EVC: variants seen among roughly 807,000 people sequenced by gnomAD.
EVC encodes the protein evC complex member EVC.
In EVC, 116 loss-of-function variants were observed where a neutral mutation model predicts 118.9. The observed-to-expected ratio is 0.98, with a 90% CI of 0.84 to 1.14. The LOEUF (loss-of-function observed/expected upper bound fraction) is 1.14, where lower values mean the gene tolerates loss of function less well. Ranked by LOEUF, EVC falls within the 50% of genes most tolerant of loss-of-function variation. The pLI is 0.00. For missense variants in EVC, 1,401 were observed against 1,246.4 expected, an observed-to-expected ratio of 1.12 and a Z score of -1.87; for synonymous variants, 619 against 534.7, an observed-to-expected ratio of 1.16 and a Z score of -2.18.
At chr4:5,777,396 G>A (rs185812595) in intron 11 of EVC, among the ~76,000 whole-genome samples, 5 of 152,192 alleles carry the variant, frequency 3.3e-5, no homozygotes, top group African/African-American at 4.8e-5. Flanking sequence ...GCCCCCACCC[G>A]TAATGAACAA....
chr4:5,748,149 T>C lies in EVC; in HGVS notation c.941T>C (p.Met314Thr). The change falls in exon 8 of 21, where the codon ATG becomes ACG. Residue 314 changes from methionine to threonine, a missense_variant and splice_region_variant. Physicochemically the swap from Met to Thr is moderately conservative, Grantham distance 81 (BLOSUM62 -1). Transcript: ENST00000264956. The stretch of plus-strand genomic sequence containing the variant: ...TTGCTGCTTGTGCTCATTTCACAGA[T>C]GGAAGCTTTCTGGAAACAGATGGCA... Reference protein sequence around the residue: ...REYSEQLIDNMEAFWKQMANI... With the variant: ...REYSEQLIDNTEAFWKQMANI... 1.2e-6 allele frequency: 2 copies of C among 1,614,212 alleles called. No individual in the cohort carries two copies. The highest frequency in any genetic ancestry group is 1.7e-6 in the Non-Finnish European group (2 of 1,180,038).
rs146687968 is a variant in EVC at position 5,802,756 on chromosome 4, G to A, written c.2449+662G>A. 6.6e-3 allele frequency among the ~76,000 whole-genome samples: 999 copies of A among 152,232 alleles called. 8 individuals carry two copies. Among genetic ancestry groups the A allele is most frequent in the African/African-American group, 0.022 (924 of 41,534 alleles). Reference sequence around the variant, plus strand: ...GCTGATGTGACAGGAGGTGGAGCTCGGGCGGTAATGTGAGCGATGGGGAGC... The same window carrying A: ...GCTGATGTGACAGGAGGTGGAGCTCAGGCGGTAATGTGAGCGATGGGGAGC... On this transcript the variant is annotated intron_variant, in intron 16 of 20. Coordinates refer to ENST00000264956, the MANE Select transcript of EVC (RefSeq NM_153717.3).
At chr4:5,790,268 C>T (rs1712533929) in intron 12 of EVC, among the ~76,000 whole-genome samples, 1 of 151,760 alleles carries the variant, frequency 6.6e-6, no homozygotes, top group South Asian at 2.1e-4. Flanking sequence ...ATTGTAAACT[C>T]CTTACAAGAG....
intron 11 of EVC, among the ~76,000 whole-genome samples, chr4:5,772,134 G>A (rs192355385): frequency 2.0e-5 from 3 of 152,210 alleles, no homozygotes; most frequent in South Asian, 2.1e-4. Flanking sequence ...CTGACTTCGC[G>A]ATCCGCCCGC....
chr4:5,828,773 G>GT, the EVC span: 3,632 of 1,280,678 alleles, frequency 2.8e-3, no homozygotes, highest in Non-Finnish European at 3.2e-3. Context: ...GTGTTCCAAT[G>GT]TTTTTTTTTC....
intron 3 of EVC, among the ~76,000 whole-genome samples, chr4:5,730,482 CGGGTGGGTG>C (rs1363981540): frequency 1.4e-5 from 2 of 141,638 alleles, no homozygotes; most frequent in Admixed American, 6.9e-5. Context: ...AAGGGTGGGA[CGGGTGGGTG>C]GATGAAGGGC....
intron 11 of EVC, among the ~76,000 whole-genome samples, chr4:5,776,000 G>A (rs774269348): frequency 1.4e-4 from 21 of 151,906 alleles, no homozygotes; most frequent in Non-Finnish European, 3.1e-4. Context: ...TCTACCATTA[G>A]CTATAATATG....
At chr4:5,733,497 C>A in intron 5 of EVC, 62 bp downstream of exon 5, 1 of 1,397,712 alleles carries the variant, frequency 7.2e-7, no homozygotes, top group Non-Finnish European at 1.0e-6. Flanking sequence ...GACAAGGACT[C>A]TGTGTGCAGT....
At chr4:5,778,798 C>T (rs1165925864) in intron 11 of EVC, among the ~76,000 whole-genome samples, 1 of 152,058 alleles carries the variant, frequency 6.6e-6, no homozygotes, top group Non-Finnish European at 1.5e-5. Flanking sequence ...GTTGCCTGTT[C>T]ACTCTGATGG....
the EVC span, chr4:5,825,599 C>G: frequency 6.9e-6 from 11 of 1,602,848 alleles, no homozygotes; most frequent in Middle Eastern, 1.7e-4. The surrounding 1 kb of genome is among the most constrained non-coding windows in gnomAD (Gnocchi z 4.4). Flanking sequence ...TTGGGTGTAG[C>G]TGGTACCTCG....
rs200690823 is a variant in EVC, at chr4:5,731,478, T to C, written c.438T>C (p.Ala146=). The C allele has an allele frequency of 6.2e-7, 1 of 1,613,388 alleles. No individual in the cohort carries two copies. ...CTCTGCATGAAAACTTAAAGCAGGC[T>C]GTTTTGCCACACCAGCCGGTAGAGG... ...NPSLHENLKQ[A]VLPHQPVEAS... The change falls in exon 4 of 21, where the codon GCT becomes GCC. Residue 146 remains alanine (A), a synonymous_variant. Coordinates refer to ENST00000264956, the MANE Select transcript of EVC (RefSeq NM_153717.3). The surrounding 1 kb of genome is among the most constrained non-coding windows in gnomAD (Gnocchi z 5.6).
intron 11 of EVC, among the ~76,000 whole-genome samples, chr4:5,767,499 G>A (rs183275998): frequency 8.7e-5 from 13 of 149,032 alleles, no homozygotes; most frequent in African/African-American, 2.7e-4. Flanking sequence ...CTCCCCCAGC[G>A]TGGCTGCCAC....
chr4:5,790,208 T>G (rs1361213711), intron 12 of EVC, among the ~76,000 whole-genome samples: 2 of 132,212 alleles, frequency 1.5e-5, no homozygotes, highest in East Asian at 4.0e-4. Context: ...CAACGATGAC[T>G]GTGCAGAATT....
chr4:5,717,536 C>G (rs1269193647), intron 1 of EVC, among the ~76,000 whole-genome samples: 2 of 152,132 alleles, frequency 1.3e-5, no homozygotes, highest in Non-Finnish European at 2.9e-5. Flanking sequence ...TGACTGGGTT[C>G]TTCTTTGCAG....
At chr4:5,825,593 G>A in the EVC span, 8 of 1,602,906 alleles carry the variant, frequency 5.0e-6, no homozygotes, top group African/African-American at 1.1e-4. The surrounding 1 kb of genome is among the most constrained non-coding windows in gnomAD (Gnocchi z 4.4). Context: ...GCATATTTGG[G>A]TGTAGCTGGT....
At chr4:5,786,982 T>C (rs1346118641) in intron 12 of EVC, among the ~76,000 whole-genome samples, 1 of 152,128 alleles carries the variant, frequency 6.6e-6, no homozygotes, top group East Asian at 1.9e-4. Context: ...TGAATATTAG[T>C]CATGAGAAGA....
intron 12 of EVC, among the ~76,000 whole-genome samples, chr4:5,791,089 C>G (rs1712694597): frequency 6.6e-6 from 1 of 152,072 alleles, no homozygotes; most frequent in Admixed American, 6.6e-5. Context: ...GAGCAAGACT[C>G]CATCTCAAAA....
chr4:5,820,264 CCATCATCATCACCACTATCGT>C, the EVC span, among the ~76,000 whole-genome samples: 4 of 152,160 alleles, frequency 2.6e-5, no homozygotes, highest in African/African-American at 9.7e-5. Flanking sequence ...ACCAACACCA[CCATCATCATCACCACTATCGT>C]CACCATCATC....
In EVC at chr4:5,738,528, C is replaced by T. The variant is rs2151976317; in HGVS notation, c.703-3188C>T. Among the ~76,000 whole-genome samples the T allele has an allele frequency of 1.3e-5, 2 of 152,186 alleles. 1 individual carries two copies. Among genetic ancestry groups the T allele is most frequent in the African/African-American group, 4.8e-5 (2 of 41,512 alleles). On this transcript the variant is annotated intron_variant, in intron 5 of 20. Coordinates refer to ENST00000264956, the MANE Select transcript of EVC (RefSeq NM_153717.3). This position sits in a 1 kb window ranked among gnomAD's most constrained non-coding sequence, Gnocchi z 6.5. Reference sequence around the variant, plus strand: ...TAAGAAACTGCCACAGCCACCCTAACCTTCAGCAACCACTACCCTCATAAG... The same window carrying T: ...TAAGAAACTGCCACAGCCACCCTAATCTTCAGCAACCACTACCCTCATAAG...
Sources: gnomAD v4.1 joint callset for allele counts (sites outside exome capture counted in the v4.1 genomes callset) on GRCh38, gnomAD v4.1.1 for gene constraint, Gnocchi (gnomAD v3.1) non-coding constraint, MANE v1.5 for transcripts, NCBI Gene and HGNC (gene_info 2026-07-23, HGNC 2026-07-21) for gene names.